Variants in ZNF667 observed in about 807,000 individuals in gnomAD.
ZNF667 encodes the protein myocardial ischemic preconditioning upregulated 1 ortholog.
In ZNF667, 13 loss-of-function variants were observed where a neutral mutation model predicts 31.8. That is an observed-to-expected ratio of 0.41 (90% CI 0.27 to 0.65). ZNF667 has a LOEUF of 0.65. Among genes scored for constraint, ZNF667 ranks in the 30% least tolerant of loss-of-function variants. The pLI, the probability that ZNF667 is intolerant of heterozygous loss-of-function variation, is 0.32. For missense variants in ZNF667, 642 were observed against 725.6 expected (o/e 0.88, Z 1.32); for synonymous variants, 228 against 247.1 (o/e 0.92, Z 0.73).
upstream of ZNF667, chr19:56,477,499 C>T (rs1015415432): frequency 2.0e-5 from 3 of 152,434 alleles, no homozygotes; most frequent in African/African-American, 7.2e-5. Context: ...GCCCCGACCC[C>T]TCAGCGCCAC....
chr19:56,468,360 C>T (rs1273373374), intron 3 of ZNF667: 1 of 152,200 alleles, frequency 6.6e-6, no homozygotes, highest in Non-Finnish European at 1.5e-5. Flanking sequence ...ACCCTCCTGT[C>T]ACATGTAAAC....
chr19:56,455,158 C>T (rs1312486673), intron 6 of ZNF667, among the ~76,000 whole-genome samples: 4 of 151,942 alleles, frequency 2.6e-5, no homozygotes, highest in Non-Finnish European at 5.9e-5. Context: ...GACTTTTATC[C>T]CAAAGCAGGC....
intron 3 of ZNF667, chr19:56,467,059 A>G (rs2043177249): frequency 2.2e-6 from 1 of 456,524 alleles, no homozygotes; most frequent in African/African-American, 2.0e-5. Context: ...CTTTTCCAGC[A>G]ACACTCACTG....
At chr19:56,462,554 A>G in intron 3 of ZNF667, 125 bp from the exon 4 acceptor site, 1 of 667,094 alleles carries the variant, frequency 1.5e-6, no homozygotes, top group South Asian at 1.8e-5. Context: ...CACAGATGTC[A>G]GAACACCTGG....
At chr19:56,467,586 C>T (rs781481343) in intron 3 of ZNF667, 3 of 152,218 alleles carry the variant, frequency 2.0e-5, no homozygotes, top group African/African-American at 7.2e-5. Flanking sequence ...GACTGCCCCA[C>T]CTGCCCCACC....
chr19:56,462,510 C>G, intron 3 of ZNF667, 81 bp from the exon 4 acceptor site: 3 of 832,002 alleles, frequency 3.6e-6, no homozygotes, highest in Non-Finnish European at 6.3e-6. Context: ...CACACACAGA[C>G]ACACATGCAC....
intron 3 of ZNF667, among the ~76,000 whole-genome samples, chr19:56,462,914 T>C (rs1055040917): frequency 6.6e-6 from 1 of 152,130 alleles, no homozygotes; most frequent in African/African-American, 2.4e-5. Context: ...AAGGTGTCTC[T>C]GAGGAGGTCA....
intron 5 of ZNF667, among the ~76,000 whole-genome samples, chr19:56,458,729 C>T (rs916005705): frequency 6.6e-6 from 1 of 152,168 alleles, no homozygotes; most frequent in African/African-American, 2.4e-5. Flanking sequence ...TTGCTGACCA[C>T]GTGGAAGGTG....
intron 5 of ZNF667, among the ~76,000 whole-genome samples, chr19:56,459,848 TG>T (rs1358295005): frequency 1.3e-5 from 2 of 152,034 alleles, no homozygotes; most frequent in African/African-American, 2.4e-5. Flanking sequence ...AAAAATCAGC[TG>T]GGTGTGATGG....
In ZNF667 at chr19:56,444,366, T is replaced by C; in HGVS notation, c.254-1625A>G. On this transcript the variant is annotated intron_variant, in intron 6 of 6. Coordinates refer to ENST00000504904, the MANE Select transcript of ZNF667 (RefSeq NM_001321356.2). ...AGAGTGTGGAGGAGGTGCCACATAT[T>C]ACAACGATCAGATTTTGTAAGAATC... 3 of 396,534 alleles carry C rather than the reference T, an allele frequency of 7.6e-6. No homozygotes were observed. In the Admixed American group the frequency reaches 1.3e-4, roughly 17 times the overall value. 24.6% of individuals were successfully genotyped at this position (396,534 alleles called of 1,614,324 possible).
In ZNF667 at chr19:56,458,195, T is replaced by G; in HGVS notation, c.213A>C (p.Ala71=). The G allele has an allele frequency of 1.2e-6, 2 of 1,614,174 alleles. No homozygotes were observed. Among genetic ancestry groups the G allele is most frequent in the Non-Finnish European group, 1.7e-6 (2 of 1,180,044 alleles). Residue 71 remains alanine, a synonymous_variant, in exon 6 of 7, where the codon GCA becomes GCC. Coordinates refer to ENST00000504904, the MANE Select transcript of ZNF667 (RefSeq NM_001321356.2). ...TTCTTACTGGCTCTACCATCCAGGG[T>G]GCTTTCCCTTTCTCCAATAAGGTGA... The part of the protein sequence containing the change: ...NVITLLEKGK[A]PWMVEPVRRR...
intron 6 of ZNF667, among the ~76,000 whole-genome samples, chr19:56,443,200 C>T (rs2042653939): frequency 6.6e-6 from 1 of 152,100 alleles, no homozygotes; most frequent in African/African-American, 2.4e-5. Context: ...TGGTTACACA[C>T]TCTGTAAATT....
chr19:56,458,304 A>C, intron 5 of ZNF667, 57 bp from the exon 6 acceptor site: 1 of 1,486,934 alleles, frequency 6.7e-7, no homozygotes, highest in Non-Finnish European at 9.4e-7. Flanking sequence ...CAGAAGTCAG[A>C]GCCACGCTCT....
At chr19:56,469,511 G>A (rs1568454615) in intron 3 of ZNF667, among the ~76,000 whole-genome samples, 1 of 152,102 alleles carries the variant, frequency 6.6e-6, no homozygotes. Flanking sequence ...GAAGAATCAC[G>A]TTTGGGTCCT....
intron 6 of ZNF667, among the ~76,000 whole-genome samples, chr19:56,457,614 T>G (rs59471320): frequency 0.017 from 2,627 of 152,308 alleles, 86 homozygotes; most frequent in African/African-American, 0.06. Flanking sequence ...TGTTGCTTTT[T>G]CTTCCTCCAG....
chr19:56,442,643 C>A lies in ZNF667; in HGVS notation c.352G>T (p.Ala118Ser). Reference protein sequence around the residue: ...CQKLVSAQQKAPTRKSGCNKN... With the variant: ...CQKLVSAQQKSPTRKSGCNKN... ...TTGCAGCCACTCTTTCGTGTAGGAG[C>A]TTTTTGTTGTGCAGAAACTAGTTTC... The change falls in exon 7 of 7, where the codon GCT (alanine) becomes TCT (serine). Residue 118 changes from alanine to serine, a missense_variant. Ala to Ser is a moderately conservative substitution (Grantham distance 99). Coordinates refer to ENST00000504904, the MANE Select transcript of ZNF667 (RefSeq NM_001321356.2). The A allele has an allele frequency of 6.2e-7, 1 of 1,613,654 alleles. No homozygotes were observed. Among genetic ancestry groups the A allele is most frequent in the South Asian group, 1.1e-5 (1 of 91,050 alleles).
chr19:56,453,577 C>CA (rs1188668875), intron 6 of ZNF667, among the ~76,000 whole-genome samples: 15 of 152,002 alleles, frequency 9.9e-5, no homozygotes, highest in Admixed American at 3.3e-4. Context: ...GAATGAAGGA[C>CA]AAAAAACATA....
At chr19:56,454,402 A>T (rs1436912138) in intron 6 of ZNF667, among the ~76,000 whole-genome samples, 3 of 152,166 alleles carry the variant, frequency 2.0e-5, no homozygotes, top group African/African-American at 7.2e-5. Context: ...ATAAAACTGT[A>T]GGAATCATAT....
In ZNF667 at chr19:56,440,921, C is replaced by T; in HGVS notation, c.*241G>A. 7.5e-7 allele frequency: 1 copy of T among 1,335,888 alleles called. No individual in the cohort carries two copies. Among genetic ancestry groups the T allele is most frequent in the African/African-American group, 1.5e-5 (1 of 68,100 alleles). 82.8% of individuals were successfully genotyped at this position (1,335,888 alleles called of 1,614,324 possible). ...TACAGGTGTAAGCCACTGCGCCCAGCCAGTAATTCTTATCAAATGAAAAAT... is the reference window on the plus strand; with the variant it reads ...TACAGGTGTAAGCCACTGCGCCCAGTCAGTAATTCTTATCAAATGAAAAAT... On this transcript the variant is annotated 3_prime_UTR_variant, in exon 7 of 7. Transcript: ENST00000504904.
Sources: gnomAD v4.1 joint callset for allele counts (sites outside exome capture counted in the v4.1 genomes callset) on GRCh38, gnomAD v4.1.1 for gene constraint, MANE v1.5 for transcripts, NCBI Gene and HGNC (gene_info 2026-07-23, HGNC 2026-07-21) for gene names.